CFAP20DC: variants seen among roughly 807,000 people sequenced by gnomAD.
CFAP20DC encodes protein CFAP20DC.
A neutral mutation model predicts 101.7 loss-of-function variants in CFAP20DC; 84 were observed. The ratio of observed to expected loss-of-function variants is 0.83; its 90% CI spans 0.69 to 0.99. CFAP20DC has a LOEUF of 0.99. Among genes scored for constraint, CFAP20DC ranks in the 50% least tolerant of loss-of-function variants. The probability of loss-of-function intolerance (pLI) is 0.00; values close to 1 mark genes in which losing one functional copy is unlikely to be tolerated. For missense variants in CFAP20DC, 1,007 were observed against 970.3 expected (o/e 1.04, Z -0.50); for synonymous variants, 359 against 351.2 (o/e 1.02, Z -0.25).
At chr3:58,890,192 C>G (rs1440653513) in intron 6 of CFAP20DC, among the ~76,000 whole-genome samples, 1 of 148,008 alleles carries the variant, frequency 6.8e-6, no homozygotes, top group Non-Finnish European at 1.5e-5. Flanking sequence ...CTGACCCCCC[C>G]ACCTCCCTCC....
chr3:58,987,714 A>G (rs183027742), intron 4 of CFAP20DC, among the ~76,000 whole-genome samples: 1 of 152,068 alleles, frequency 6.6e-6, no homozygotes, highest in Admixed American at 6.5e-5. Context: ...TTATAACTCT[A>G]TACTATTAAA....
intron 11 of CFAP20DC, 142 bp downstream of exon 11, chr3:58,866,424 G>A (rs1317639593): frequency 2.2e-5 from 14 of 622,912 alleles, no homozygotes; most frequent in African/African-American, 3.8e-5. Flanking sequence ...TAAAATTGAG[G>A]TTAAATAAGA....
chr3:58,896,252 GTTTA>G (rs1241032618), intron 6 of CFAP20DC, among the ~76,000 whole-genome samples: 1 of 151,954 alleles, frequency 6.6e-6, no homozygotes, highest in Non-Finnish European at 1.5e-5. Context: ...TTCTGCTCAA[GTTTA>G]TTTGATTCAT....
At chr3:59,031,448 A>G (rs1360869614) in intron 4 of CFAP20DC, among the ~76,000 whole-genome samples, 1 of 152,180 alleles carries the variant, frequency 6.6e-6, no homozygotes, top group Non-Finnish European at 1.5e-5. Flanking sequence ...TACACTGAAA[A>G]TAAAGTTTTG....
chr3:58,866,741 A>G lies in CFAP20DC; in HGVS notation c.1136-53T>C, dbSNP rs528937058. 2.5e-6 allele frequency: 3 copies of G among 1,223,486 alleles called. No homozygotes were observed. In the African/African-American group the frequency reaches 4.6e-5, roughly 19 times the overall value. The allele number at this position is 1,223,486 out of a possible 1,614,324, so 75.8% of individuals were successfully genotyped here. On this transcript the variant is annotated intron_variant, in intron 10 of 16. Transcript: ENST00000482387. ...ATTACTTCTTTTGAAATTTATAAAA[A>G]GTAATTTTAGAAGAATGGTTTACTT...
intron 5 of CFAP20DC, among the ~76,000 whole-genome samples, chr3:58,918,659 T>A (rs1488528146): frequency 6.6e-6 from 1 of 152,066 alleles, no homozygotes; most frequent in Non-Finnish European, 1.5e-5. Flanking sequence ...GTTTGGCAAC[T>A]GCCTCTAGTT....
chr3:58,748,427 G>A (rs565481894), intron 16 of CFAP20DC, among the ~76,000 whole-genome samples: 13 of 152,182 alleles, frequency 8.5e-5, no homozygotes, highest in African/African-American at 3.1e-4. Flanking sequence ...AATGTGTTTC[G>A]CTCTACTGGA....
intron 4 of CFAP20DC, among the ~76,000 whole-genome samples, chr3:59,025,057 T>C (rs767735873): frequency 6.6e-6 from 1 of 152,180 alleles, no homozygotes; most frequent in Non-Finnish European, 1.5e-5. Flanking sequence ...ATTGGAAGTC[T>C]ATCTGTTATA....
Position 58,766,726 on chromosome 3 carries a change from T to C in CFAP20DC, c.2238-12863A>G, listed in dbSNP as rs572968436. The stretch of plus-strand genomic sequence containing the variant: ...CAATGTTCCATCACACTCCCTATGC[T>C]CTGGCCACGCTGGTCTTCTCTGTTC... On this transcript the variant is annotated intron_variant, in intron 15 of 16. Transcript: ENST00000482387. Among the ~76,000 whole-genome samples, 7 of 152,294 alleles carry C rather than the reference T, an allele frequency of 4.6e-5. No homozygotes were observed. The East Asian group carries it at 1.4e-3, about 29-fold the overall frequency.
intron 4 of CFAP20DC, among the ~76,000 whole-genome samples, chr3:59,016,218 T>C (rs925474659): frequency 2.0e-5 from 3 of 152,086 alleles, no homozygotes; most frequent in Admixed American, 2.0e-4. Context: ...AATCCTGTCA[T>C]TGGCAGCAAC....
chr3:58,995,969 A>G (rs1048809145), intron 4 of CFAP20DC, among the ~76,000 whole-genome samples: 1 of 113,164 alleles, frequency 8.8e-6, no homozygotes, highest in African/African-American at 3.5e-5. Flanking sequence ...CCAATTCTGT[A>G]TAATAAATCT....
At position 58,971,444 on chromosome 3, in the gene CFAP20DC, C is replaced by T. The variant is rs915792703; in HGVS notation, c.279-33682G>A. Among the ~76,000 whole-genome samples, 5 of 152,126 alleles carry T rather than the reference C, an allele frequency of 3.3e-5. No homozygotes were observed. The highest frequency in any genetic ancestry group is 9.7e-5 in the African/African-American group (4 of 41,438). ...CATTCACTCTTTAGATCTTTCTATC[C>T]TTCCTCACCTATGCTCTCCAGAATG... On this transcript the variant is annotated intron_variant, in intron 4 of 16. Transcript: ENST00000482387. The surrounding 1 kb of genome is among the most constrained non-coding windows in gnomAD (Gnocchi z 4.1).
chr3:58,752,568 G>A (rs1268429386), intron 16 of CFAP20DC, among the ~76,000 whole-genome samples: 1 of 152,048 alleles, frequency 6.6e-6, no homozygotes, highest in Non-Finnish European at 1.5e-5. Context: ...GCTTATTTAG[G>A]ACACCTAACA....
At chr3:58,994,068 C>T (rs1323281886) in intron 4 of CFAP20DC, among the ~76,000 whole-genome samples, 1 of 152,190 alleles carries the variant, frequency 6.6e-6, no homozygotes, top group Non-Finnish European at 1.5e-5. Flanking sequence ...TCCAAGGAGA[C>T]ACTTTCATCT....
intron 15 of CFAP20DC, among the ~76,000 whole-genome samples, chr3:58,793,746 T>C (rs182826457): frequency 2.3e-3 from 349 of 152,268 alleles, no homozygotes; most frequent in Non-Finnish European, 3.8e-3. Context: ...TTACCATAAA[T>C]GTCACTGTTT....
At chr3:58,759,662 T>C (rs1230421408) in intron 15 of CFAP20DC, among the ~76,000 whole-genome samples, 1 of 152,214 alleles carries the variant, frequency 6.6e-6, no homozygotes, top group Non-Finnish European at 1.5e-5. Flanking sequence ...GTTTTTATGG[T>C]TTTAGGTCTA....
intron 4 of CFAP20DC, among the ~76,000 whole-genome samples, chr3:58,997,510 G>T (rs2093173195): frequency 6.6e-6 from 1 of 152,168 alleles, no homozygotes; most frequent in Non-Finnish European, 1.5e-5. Flanking sequence ...TGTACTAATT[G>T]ATTCTGCATA....
At chr3:58,889,734 A>C (rs1482945382) in intron 6 of CFAP20DC, among the ~76,000 whole-genome samples, 3 of 135,640 alleles carry the variant, frequency 2.2e-5, no homozygotes, top group Non-Finnish European at 4.7e-5. Context: ...ATTACTTGAG[A>C]TTAGGGATTG....
At chr3:58,862,418 T>C (rs1373057863) in intron 12 of CFAP20DC, 15 of 985,254 alleles carry the variant, frequency 1.5e-5, no homozygotes, top group Non-Finnish European at 1.8e-5. Context: ...AATGCTAGCA[T>C]CAAATGCACT....
Sources: allele counts gnomAD v4.1 joint callset (sites outside exome capture counted in the v4.1 genomes callset), GRCh38; gene constraint gnomAD v4.1.1; non-coding constraint Gnocchi (gnomAD v3.1); transcripts MANE v1.5; gene names NCBI Gene and HGNC (gene_info 2026-07-23, HGNC 2026-07-21).